Variants in CDH18 observed in about 807,000 individuals in gnomAD.
CDH18 encodes the protein cadherin-18.
CDH18 carries 31 observed loss-of-function variants against 67.9 expected under a neutral mutation model. That is an observed-to-expected ratio of 0.46 (90% CI 0.34 to 0.62). CDH18 has a LOEUF of 0.62. Ranked by LOEUF, CDH18 falls within the 20% of genes least tolerant of loss-of-function variation. The pLI, the probability that CDH18 is intolerant of heterozygous loss-of-function variation, is 0.01. For missense variants in CDH18, 890 were observed against 975.5 expected, an observed-to-expected ratio of 0.91 and a Z score of 1.17; for synonymous variants, 362 against 347.2, an observed-to-expected ratio of 1.04 and a Z score of -0.48.
intron 1 of CDH18, among the ~76,000 whole-genome samples, chr5:20,494,073 A>G (rs1363050505): frequency 2.0e-5 from 3 of 152,098 alleles, no homozygotes; most frequent in Admixed American, 6.6e-5. Context: ...AACATGGTTA[A>G]CCCCCATCTA....
intron 6 of CDH18, among the ~76,000 whole-genome samples, chr5:19,593,686 T>TCTTCTC (rs1745594177): frequency 1.4e-4 from 2 of 14,752 alleles, no homozygotes; most frequent in Non-Finnish European, 4.3e-4. Context: ...TCCTCCTCCT[T>TCTTCTC]CTCTTCCTCT....
At position 20,457,003 on chromosome 5, in the gene CDH18, C is replaced by T. The variant is rs570583943; in HGVS notation, c.-580+118459G>A. ...GTACATGTTCTAACATTATGTAAAC[C>T]AAAATACATTTGTAATGTTTTAAGC... On this transcript the variant is annotated intron_variant, in intron 1 of 14. Transcript: ENST00000507958. Among the ~76,000 whole-genome samples the T allele has an allele frequency of 2.6e-5, 4 of 152,196 alleles. No individual in the cohort carries two copies. The South Asian group carries it at 8.3e-4, about 32-fold the overall frequency.
intron 2 of CDH18, among the ~76,000 whole-genome samples, chr5:20,235,463 A>T (rs1017020594): frequency 1.3e-5 from 2 of 152,200 alleles, no homozygotes; most frequent in Non-Finnish European, 2.9e-5. Context: ...AAAGTGGGCC[A>T]AGGTCATGAC....
intron 2 of CDH18, among the ~76,000 whole-genome samples, chr5:20,250,997 A>G (rs1743818148): frequency 6.6e-6 from 1 of 152,150 alleles, no homozygotes; most frequent in Admixed American, 6.5e-5. Flanking sequence ...AATTTGACTT[A>G]AAGCCATGGA....
intron 1 of CDH18, among the ~76,000 whole-genome samples, chr5:20,282,651 C>T (rs1368389578): frequency 6.6e-6 from 1 of 152,108 alleles, no homozygotes; most frequent in Non-Finnish European, 1.5e-5. Flanking sequence ...CATCGATGTT[C>T]ATCAGGGATA....
intron 1 of CDH18, among the ~76,000 whole-genome samples, chr5:20,564,899 T>C (rs920210102): frequency 6.6e-6 from 1 of 152,164 alleles, no homozygotes; most frequent in African/African-American, 2.4e-5. Flanking sequence ...ACTGAGTTCA[T>C]TATGATTTAA....
chr5:19,798,029 G>C (rs1228534852), intron 3 of CDH18, among the ~76,000 whole-genome samples: 1 of 152,040 alleles, frequency 6.6e-6, no homozygotes, highest in African/African-American at 2.4e-5. Flanking sequence ...AATATCTTCA[G>C]CTGACTTTTG....
intron 1 of CDH18, among the ~76,000 whole-genome samples, chr5:20,372,166 A>G (rs1743056355): frequency 6.6e-6 from 1 of 152,174 alleles, no homozygotes; most frequent in African/African-American, 2.4e-5. Context: ...TCCTGAAAAC[A>G]CGTGAAATAC....
At chr5:20,147,542 T>A (rs1302102006) in intron 2 of CDH18, among the ~76,000 whole-genome samples, 2 of 152,164 alleles carry the variant, frequency 1.3e-5, no homozygotes. Flanking sequence ...ATACCCTGAA[T>A]TTGGAACAGT....
chr5:19,656,258 A>G (rs950194673), intron 5 of CDH18, among the ~76,000 whole-genome samples: 1 of 152,034 alleles, frequency 6.6e-6, no homozygotes, highest in Non-Finnish European at 1.5e-5. Flanking sequence ...ATTTTACCAT[A>G]TCTTCTAAAG....
At chr5:19,798,009 G>C (rs1484033145) in intron 3 of CDH18, among the ~76,000 whole-genome samples, 1 of 152,012 alleles carries the variant, frequency 6.6e-6, no homozygotes, top group African/African-American at 2.4e-5. Flanking sequence ...ACCCAAAATA[G>C]AACTCCACAA....
At chr5:20,162,690 T>C (rs527529732) in intron 2 of CDH18, among the ~76,000 whole-genome samples, 3 of 151,428 alleles carry the variant, frequency 2.0e-5, no homozygotes, top group South Asian at 2.1e-4. Flanking sequence ...TGGGAGTTTA[T>C]GTATATGTAT....
At chr5:20,343,335 A>T (rs2150046578) in intron 1 of CDH18, among the ~76,000 whole-genome samples, 1 of 152,282 alleles carries the variant, frequency 6.6e-6, no homozygotes, top group Non-Finnish European at 1.5e-5. Context: ...ACAAAAGACT[A>T]ATTTGAATTA....
intron 3 of CDH18, among the ~76,000 whole-genome samples, chr5:19,749,144 C>A (rs191156275): frequency 1.3e-5 from 2 of 152,082 alleles, no homozygotes; most frequent in Admixed American, 1.3e-4. Flanking sequence ...GAAGCAGACA[C>A]CCGCAAAGTG....
chr5:19,974,367 A>C (rs1798300633), intron 2 of CDH18, among the ~76,000 whole-genome samples: 1 of 151,818 alleles, frequency 6.6e-6, no homozygotes, highest in Non-Finnish European at 1.5e-5. Context: ...CCCCGTCTCT[A>C]CTAAAATATA....
At chr5:19,885,154 C>T (rs868360364) in intron 2 of CDH18, among the ~76,000 whole-genome samples, 1 of 152,154 alleles carries the variant, frequency 6.6e-6, no homozygotes, top group African/African-American at 2.4e-5. Flanking sequence ...AACTCTGGTG[C>T]CAACATATCA....
chr5:20,299,466 G>C (rs1747791735), intron 1 of CDH18, among the ~76,000 whole-genome samples: 1 of 149,492 alleles, frequency 6.7e-6, no homozygotes, highest in Non-Finnish European at 1.5e-5. Flanking sequence ...AGTCATTCCA[G>C]CAGGTTTCTT....
intron 2 of CDH18, among the ~76,000 whole-genome samples, chr5:20,072,197 A>G (rs1026190625): frequency 2.0e-5 from 3 of 152,074 alleles, no homozygotes; most frequent in Non-Finnish European, 4.4e-5. Flanking sequence ...CACAGTAACT[A>G]AAAATTGAGT....
intron 1 of CDH18, among the ~76,000 whole-genome samples, chr5:20,476,930 C>G (rs1274402627): frequency 6.6e-6 from 1 of 152,066 alleles, no homozygotes; most frequent in Non-Finnish European, 1.5e-5. Flanking sequence ...AATGTTGTAA[C>G]AGAGATTTTT....
Sources: gnomAD v4.1 joint callset for allele counts (sites outside exome capture counted in the v4.1 genomes callset) on GRCh38, gnomAD v4.1.1 for gene constraint, MANE v1.5 for transcripts, NCBI Gene and HGNC (gene_info 2026-07-23, HGNC 2026-07-21) for gene names.